RTCA: variants seen among roughly 807,000 people sequenced by gnomAD.
RTCA encodes the protein RNA 3'-terminal phosphate cyclase.
In RTCA, 37 loss-of-function variants were observed where a neutral mutation model predicts 46.1. That is an observed-to-expected ratio of 0.80 (90% CI 0.62 to 1.06). The LOEUF (loss-of-function observed/expected upper bound fraction) is 1.06, where lower values mean the gene tolerates loss of function less well. Among genes scored for constraint, RTCA ranks in the 50% least tolerant of loss-of-function variants. The pLI is 0.00. For synonymous variants in RTCA, 164 were observed against 158.3 expected (o/e 1.04, Z -0.27); for missense variants, 435 against 455.5 (o/e 0.95, Z 0.41).
rs147792652 is a variant in RTCA, at chr1:100,287,606, T to C, written c.999+403T>C. 4.2e-4 allele frequency among the ~76,000 whole-genome samples: 64 copies of C among 152,268 alleles called. 1 individual carries two copies. The highest frequency in any genetic ancestry group is 1.5e-3 in the African/African-American group (62 of 41,568). The stretch of plus-strand genomic sequence containing the variant: ...ATGATATCAAATCACAAGGGATTCA[T>C]AGTTGGCTATAAAAAAATTTATATA... On this transcript the variant is annotated intron_variant, in intron 10 of 10. Transcript: ENST00000370128.
At chr1:100,275,263 A>G (rs1297809583) in intron 6 of RTCA, among the ~76,000 whole-genome samples, 2 of 152,194 alleles carry the variant, frequency 1.3e-5, no homozygotes, top group South Asian at 2.1e-4. Context: ...CTGAGGGTTG[A>G]AACACTATCA....
chr1:100,266,635 C>T lies in RTCA; in HGVS notation c.146+11C>T. ...CACGCCAGGCCTGAGGTAAATCTGG[C>T]TGGAGGGGGAGTTGGGCCGTGAAGC... On this transcript the variant is annotated intron_variant, in intron 2 of 10. Transcript: ENST00000370128. 1 of 1,600,456 alleles carries T rather than the reference C, an allele frequency of 6.2e-7. No homozygotes were observed. The highest frequency in any genetic ancestry group is 8.5e-7 in the Non-Finnish European group (1 of 1,172,038).
At position 100,291,100 on chromosome 1, in the gene RTCA, T is replaced by C. The variant is rs547039793; in HGVS notation, c.1000-303T>C. The stretch of plus-strand genomic sequence containing the variant: ...ATTACCATTTGAGGTTTCAAAATTG[T>C]TATTTGCCTAAGCTGTACATCTGAG... On this transcript the variant is annotated intron_variant, in intron 10 of 10. Coordinates refer to ENST00000370128, the MANE Select transcript of RTCA (RefSeq NM_003729.4). 9.2e-5 allele frequency among the ~76,000 whole-genome samples: 14 copies of C among 152,350 alleles called. No individual in the cohort carries two copies. The South Asian group carries it at 2.9e-3, about 32-fold the overall frequency.
At chr1:100,283,516 C>A (rs1232545829) in intron 8 of RTCA, among the ~76,000 whole-genome samples, 1 of 152,078 alleles carries the variant, frequency 6.6e-6, no homozygotes, top group Non-Finnish European at 1.5e-5. Context: ...TAGTCCCAAG[C>A]ATTTCAGATA....
chr1:100,283,107 T>A (rs146831701), intron 8 of RTCA, among the ~76,000 whole-genome samples: 3 of 151,902 alleles, frequency 2.0e-5, no homozygotes, highest in African/African-American at 7.2e-5. Flanking sequence ...GAATTTCATG[T>A]GTAGACTTGG....
chr1:100,279,371 A>G (rs182400632), intron 8 of RTCA, among the ~76,000 whole-genome samples: 1 of 152,322 alleles, frequency 6.6e-6, no homozygotes, highest in African/African-American at 2.4e-5. Context: ...GGACTGATTG[A>G]CACCAAATCT....
intron 5 of RTCA, 138 bp from the exon 6 acceptor site, chr1:100,274,686 A>G (rs1666278383): frequency 1.0e-6 from 1 of 978,482 alleles, no homozygotes; most frequent in Non-Finnish European, 1.4e-6. Flanking sequence ...AAAATTTTAC[A>G]AAATACAGAC....
At chr1:100,266,708 A>T in intron 2 of RTCA, 84 bp downstream of exon 2, 1 of 1,193,174 alleles carries the variant, frequency 8.4e-7, no homozygotes, top group Admixed American at 2.0e-5. Flanking sequence ...CGGGAGTCCG[A>T]GTGGTGGAAC....
rs1667347864 is a variant in RTCA at position 100,291,432 on chromosome 1, TGAA to T, written c.1035_1037del (p.Glu345del). ...AATTTATTGTGAAGAAATCAGAAGA[TGAA>T]GAAGACGCCGCTAAAGATACTTATA... On this transcript the variant is annotated inframe_deletion, in exon 11 of 11. Transcript: ENST00000370128. 2.5e-6 allele frequency: 4 copies of T among 1,612,064 alleles called. No homozygotes were observed. The highest frequency in any genetic ancestry group is 3.4e-6 in the Non-Finnish European group (4 of 1,178,944).
At chr1:100,284,899 C>T (rs541171739) in intron 8 of RTCA, among the ~76,000 whole-genome samples, 4 of 152,148 alleles carry the variant, frequency 2.6e-5, no homozygotes, top group East Asian at 1.9e-4. Context: ...TGCCTGGCTG[C>T]AAGTTTTAAT....
chr1:100,290,825 AC>A (rs1376019254), intron 10 of RTCA, among the ~76,000 whole-genome samples: 1 of 152,168 alleles, frequency 6.6e-6, no homozygotes, highest in Non-Finnish European at 1.5e-5. Context: ...TTCAAAGCCA[AC>A]TTTAGTTACT....
intron 10 of RTCA, among the ~76,000 whole-genome samples, chr1:100,290,717 G>A (rs186664984): frequency 2.6e-5 from 4 of 152,288 alleles, no homozygotes; most frequent in Admixed American, 1.3e-4. Flanking sequence ...AGTGAGCCGT[G>A]TTCATGCCAC....
chr1:100,270,434 C>A, intron 3 of RTCA, 123 bp from the exon 4 acceptor site: 3 of 1,166,346 alleles, frequency 2.6e-6, no homozygotes, highest in Non-Finnish European at 3.6e-6. Context: ...ATGGCATATA[C>A]CTGCCTTCAC....
chr1:100,266,624 G>A lies in RTCA; in HGVS notation c.146G>A (p.Arg49Lys), dbSNP rs764738839. 2.5e-6 allele frequency: 4 copies of A among 1,608,824 alleles called. No homozygotes were observed. In the African/African-American group the frequency reaches 5.3e-5, roughly 22 times the overall value. Residue 49 changes from arginine (R) to lysine (K), a missense_variant and splice_region_variant, in exon 2 of 11, where the codon AGG (arginine) becomes AAG (lysine). Arg to Lys is a conservative substitution (Grantham distance 26, BLOSUM62 2). Coordinates refer to ENST00000370128, the MANE Select transcript of RTCA (RefSeq NM_003729.4). ...IRAGRSTPGL[R>K]PQHLSGLEMI... is the part of the protein sequence containing the mutation. ...GCCGGCCGGAGCACGCCAGGCCTGA[G>A]GTAAATCTGGCTGGAGGGGGAGTTG...
At position 100,270,716 on chromosome 1, in the gene RTCA, T is replaced by C. The variant is rs955094309; in HGVS notation, c.414+36T>C. 6 of 1,604,802 alleles carry C rather than the reference T, an allele frequency of 3.7e-6. No homozygotes were observed. The African/African-American group carries it at 8.1e-5, about 22-fold the overall frequency. On this transcript the variant is annotated intron_variant, in intron 4 of 10. Coordinates refer to ENST00000370128, the MANE Select transcript of RTCA (RefSeq NM_003729.4). ...TTGTTGTTGACAAACTAAGATGATC[T>C]CATACATGCTTCTGAGTCTCCATTC...
chr1:100,277,497 A>C (rs1666461168), intron 8 of RTCA, among the ~76,000 whole-genome samples, 181 bp downstream of exon 8: 1 of 152,218 alleles, frequency 6.6e-6, no homozygotes, highest in Non-Finnish European at 1.5e-5. Flanking sequence ...TACTTTGGAA[A>C]ATTTCAAACC....
intron 5 of RTCA, among the ~76,000 whole-genome samples, chr1:100,274,573 A>G (rs1457208967): frequency 6.6e-6 from 1 of 152,228 alleles, no homozygotes; most frequent in African/African-American, 2.4e-5. Flanking sequence ...TGGCTAGTGC[A>G]GCTGGGGAGC....
chr1:100,274,888 C>T lies in RTCA; in HGVS notation c.538C>T (p.Pro180Ser). 6.2e-7 allele frequency: 1 copy of T among 1,613,124 alleles called. No individual in the cohort carries two copies. Among genetic ancestry groups the T allele is most frequent in the Non-Finnish European group, 8.5e-7 (1 of 1,179,380 alleles). The change falls in exon 6 of 11, where the codon CCT becomes TCT. Residue 180 changes from proline to serine, a missense_variant. By Grantham distance (74) the Pro-to-Ser change is moderately conservative. Transcript: ENST00000370128. The stretch of plus-strand genomic sequence containing the variant: ...AATGTCACCAGTTAAACAATTGAAC[C>T]CTATAAATTTAACTGAGCGTGGCTG... ...VRMSPVKQLN[P>S]INLTERGCVT...
chr1:100,269,802 C>A (rs1665984783), intron 3 of RTCA, among the ~76,000 whole-genome samples: 1 of 152,130 alleles, frequency 6.6e-6, no homozygotes, highest in African/African-American at 2.4e-5. Flanking sequence ...GCCCTGCATG[C>A]ATTAGGTATT....
Sources: gnomAD v4.1 joint callset for allele counts (sites outside exome capture counted in the v4.1 genomes callset) on GRCh38, gnomAD v4.1.1 for gene constraint, MANE v1.5 for transcripts, NCBI Gene and HGNC (gene_info 2026-07-23, HGNC 2026-07-21) for gene names.